The following ONECUT3 variants were observed in gnomAD, a reference collection of about 807,000 sequenced individuals.
ONECUT3 encodes the protein one cut domain family member 3.
ONECUT3 carries 11 observed loss-of-function variants against 16.8 expected under a neutral mutation model. That is an observed-to-expected ratio of 0.66 (90% confidence interval 0.41 to 1.09). The LOEUF is 1.09. Ranked by LOEUF, ONECUT3 falls within the 50% of genes least tolerant of loss-of-function variation. ONECUT3 has a pLI of 0.00. For synonymous variants in ONECUT3, 344 were observed against 310.7 expected, an observed-to-expected ratio of 1.11 and a Z score of -1.13; for missense variants, 637 against 629.9, an observed-to-expected ratio of 1.01 and a Z score of -0.12.
Position 1,754,075 on chromosome 19 carries a change from G to A in ONECUT3, c.413G>A (p.Gly138Asp), listed in dbSNP as rs902712089. The A allele has an allele frequency of 2.0e-6, 2 of 999,692 alleles. No individual in the cohort carries two copies. Among genetic ancestry groups the A allele is most frequent in the African/African-American group, 3.5e-5 (2 of 56,914 alleles). The allele number at this position is 999,692 out of a possible 1,614,324, so 61.9% of individuals were successfully genotyped here. Reference sequence around the variant, plus strand: ...GCCGCGGCCGTGGCCGGGGCGCACGGCGGCCATCCCCACGCGCACCCGCAC... The same window carrying A: ...GCCGCGGCCGTGGCCGGGGCGCACGACGGCCATCCCCACGCGCACCCGCAC... ...AAAAAVAGAH[G>D]GHPHAHPHPA... The change falls in exon 1 of 2, where the codon GGC becomes GAC. Residue 138 changes from glycine (G) to aspartate (D), a missense_variant. Physicochemically the swap from Gly to Asp is moderately conservative, Grantham distance 94 (BLOSUM62 -1). Transcript: ENST00000382349. This position sits in a 1 kb window ranked among gnomAD's most constrained non-coding sequence, Gnocchi z 7.4.
intron 1 of ONECUT3, among the ~76,000 whole-genome samples, chr19:1,772,672 A>C (rs953514879): frequency 1.5e-5 from 2 of 131,998 alleles, no homozygotes; most frequent in Non-Finnish European, 3.2e-5. Context: ...ATTTTCTGGG[A>C]TATCTGCTTT....
intron 1 of ONECUT3, among the ~76,000 whole-genome samples, chr19:1,760,960 C>T (rs951087757): frequency 6.6e-6 from 1 of 152,006 alleles, no homozygotes; most frequent in South Asian, 2.1e-4. Context: ...TGCTGCTTCT[C>T]CAACAACCAT....
chr19:1,754,580 CGGGA>C lies in ONECUT3; in HGVS notation c.920_923del (p.Gly307AlafsTer27). The C allele has an allele frequency of 8.2e-7, 1 of 1,226,154 alleles. No individual in the cohort carries two copies. Among genetic ancestry groups the C allele is most frequent in the Non-Finnish European group, 1.0e-6 (1 of 975,954 alleles). The allele number at this position is 1,226,154 out of a possible 1,614,324, so 76.0% of individuals were successfully genotyped here. A position where few individuals can be genotyped will look rare whatever the true frequency, so the allele number is the denominator to read the frequency against. Reference sequence around the variant, plus strand: ...CGCACGGGGGAGGCGGCGGCCCCGGCGGGAGCGGCGGCGGCCCCAGCGCGGGCGC... The same window carrying C: ...CGCACGGGGGAGGCGGCGGCCCCGGCGCGGCGGCGGCCCCAGCGCGGGCGC... On this transcript the variant is annotated frameshift_variant, in exon 1 of 2. Transcript: ENST00000382349. LOFTEE classifies it high-confidence loss of function. The surrounding 1 kb of genome is among the most constrained non-coding windows in gnomAD (Gnocchi z 7.4).
rs1568599003 is a variant in ONECUT3 at position 1,768,891 on chromosome 19, TG to T, written c.1193-6260del. On this transcript the variant is annotated intron_variant, in intron 1 of 1. Coordinates refer to ENST00000382349, the MANE Select transcript of ONECUT3 (RefSeq NM_001080488.2). ...GTGGCGGAGGTAGAGGTGGAGGTGG[TG>T]GAGGTGGAGGTGGTGGAGGTGGAGG... 2.0e-3 allele frequency among the ~76,000 whole-genome samples: 253 copies of T among 128,976 alleles called. 2 individuals carry two copies. Among genetic ancestry groups the T allele is most frequent in the Middle Eastern group, 3.9e-3 (1 of 258 alleles). 84.6% of individuals were successfully genotyped at this position (128,976 alleles called of 152,430 possible).
At chr19:1,757,393 C>A (rs549003584) in intron 1 of ONECUT3, among the ~76,000 whole-genome samples, 1 of 152,224 alleles carries the variant, frequency 6.6e-6, no homozygotes, top group Non-Finnish European at 1.5e-5. Context: ...GGTTTCCTGT[C>A]GAGGAAGGGA....
At position 1,758,938 on chromosome 19, in the gene ONECUT3, T is replaced by C. The variant is rs2067932303; in HGVS notation, c.1192+4084T>C. 6.6e-6 allele frequency among the ~76,000 whole-genome samples: 1 copy of C among 152,244 alleles called. No individual in the cohort carries two copies. The highest frequency in any genetic ancestry group is 1.5e-5 in the Non-Finnish European group (1 of 68,018). On this transcript the variant is annotated intron_variant, in intron 1 of 1. Transcript: ENST00000382349. This position sits in a 1 kb window ranked among gnomAD's most constrained non-coding sequence, Gnocchi z 5.9. ...TGTAACTGATCAGAAAAAAAATACG[T>C]ATATAGATAATACAAAGTTAGATGG...
intron 1 of ONECUT3, among the ~76,000 whole-genome samples, chr19:1,774,853 G>T (rs1375648953): frequency 7.1e-6 from 1 of 140,488 alleles, no homozygotes; most frequent in Non-Finnish European, 1.5e-5. Context: ...CTTCCATTCT[G>T]TCTCCACCGC....
chr19:1,769,951 G>GGAC (rs1474292747), intron 1 of ONECUT3, among the ~76,000 whole-genome samples: 1 of 152,138 alleles, frequency 6.6e-6, no homozygotes, highest in Non-Finnish European at 1.5e-5. Flanking sequence ...GGTGGGAAAG[G>GGAC]GACGATATGC....
Position 1,775,313 on chromosome 19 carries a change from C to A in ONECUT3, c.1353C>A (p.Leu451=), listed in dbSNP as rs751984695. ...KEMQVTISQQ[L]GLELNTVSNF... ...TGCAGGTCACCATCTCGCAGCAGCT[C>A]GGCTTGGAGCTCAACACCGTCAGCA... is the stretch of plus-strand genomic sequence containing the variant. The change falls in exon 2 of 2, where the codon CTC becomes CTA. Residue 451 remains leucine (L), a synonymous_variant. Transcript: ENST00000382349. 6.5e-7 allele frequency: 1 copy of A among 1,546,044 alleles called. No individual in the cohort carries two copies. Among genetic ancestry groups the A allele is most frequent in the Non-Finnish European group, 8.8e-7 (1 of 1,140,326 alleles).
At chr19:1,772,534 A>G (rs1177201658) in intron 1 of ONECUT3, among the ~76,000 whole-genome samples, 1 of 151,724 alleles carries the variant, frequency 6.6e-6, no homozygotes, top group Non-Finnish European at 1.5e-5. Flanking sequence ...ATTTTTTTTC[A>G]TTATTTGATC....
At position 1,775,272 on chromosome 19, in the gene ONECUT3, C is replaced by A; in HGVS notation, c.1312C>A (p.Arg438=). The change falls in exon 2 of 2, where the codon CGG becomes AGG. Residue 438 remains arginine (R), a synonymous_variant. Coordinates refer to ENST00000382349, the MANE Select transcript of ONECUT3 (RefSeq NM_001080488.2). ...GATCGCCATCTTCAAGGAGAACAAG[C>A]GGCCGTCCAAGGAGATGCAGGTCAC... ...TLIAIFKENK[R]PSKEMQVTIS... 1 of 1,602,490 alleles carries A rather than the reference C, an allele frequency of 6.2e-7. No individual in the cohort carries two copies. Among genetic ancestry groups the A allele is most frequent in the South Asian group, 1.1e-5 (1 of 89,360 alleles).
rs61702511 is a variant in ONECUT3, at chr19:1,778,971, T to A, written c.*3526T>A. The A allele has an allele frequency of 0.018, 2,758 of 150,976 alleles. 93 individuals carry two copies. Among genetic ancestry groups the A allele is most frequent in the African/African-American group, 0.064 (2,591 of 40,744 alleles). The allele number at this position is 150,976 out of a possible 1,614,324, so 9.4% of individuals were successfully genotyped here. On this transcript the variant is annotated 3_prime_UTR_variant, in exon 2 of 2. Transcript: ENST00000382349. ...GGCCAGACCCCCACAGAAGGCTCTA[T>A]CCCCGACCTGCCCGCCGGCCCCTCA... is the stretch of plus-strand genomic sequence containing the variant.
At position 1,780,345 on chromosome 19, in the gene ONECUT3, G is replaced by A. The variant is rs924446632; in HGVS notation, c.*4900G>A. On this transcript the variant is annotated 3_prime_UTR_variant, in exon 2 of 2. Coordinates refer to ENST00000382349, the MANE Select transcript of ONECUT3 (RefSeq NM_001080488.2). ...GGACTCCCCAAAATCATCAAAGGGG[G>A]CTCTGGGACAATGTCCTCTGCCTCT... The A allele has an allele frequency of 5.9e-5, 9 of 152,284 alleles. No individual in the cohort carries two copies. Among genetic ancestry groups the A allele is most frequent in the African/African-American group, 2.2e-4 (9 of 41,462 alleles). The allele number at this position is 152,284 out of a possible 1,614,324, so 9.4% of individuals were successfully genotyped here. A position where few individuals can be genotyped will look rare whatever the true frequency, so the allele number is the denominator to read the frequency against.
intron 1 of ONECUT3, 23 bp from the exon 2 acceptor site, chr19:1,775,128 CCG>C: frequency 3.2e-6 from 3 of 941,436 alleles, no homozygotes; most frequent in Non-Finnish European, 4.6e-6. Flanking sequence ...TCCCGCTCGC[CCG>C]CCCGCCCGCC....
chr19:1,775,244 G>T lies in ONECUT3; in HGVS notation c.1284G>T (p.Thr428=). The change falls in exon 2 of 2, where the codon ACG becomes ACT. Residue 428 remains threonine (T), a synonymous_variant. Coordinates refer to ENST00000382349, the MANE Select transcript of ONECUT3 (RefSeq NM_001080488.2). ...TGTTCACCGACCTGCAGCGACGCAC[G>T]CTGATCGCCATCTTCAAGGAGAACA... The part of the protein sequence containing the change: ...RLVFTDLQRR[T]LIAIFKENKR... 1.9e-6 allele frequency: 3 copies of T among 1,592,638 alleles called. No individual in the cohort carries two copies. The highest frequency in any genetic ancestry group is 2.3e-5 in the South Asian group (2 of 88,124).
rs1175872748 is a variant in ONECUT3 at position 1,763,372 on chromosome 19, A to AAAAAAAAAAAT, written c.1192+8528_1192+8529insTAAAAAAAAAA. ...ACAGAGTGAGACTCCATCTCAAAAA[A>AAAAAAAAAAAT]AAAAAAAAAAAAAAAAAAAAAAAAT... On this transcript the variant is annotated intron_variant, in intron 1 of 1. Coordinates refer to ENST00000382349, the MANE Select transcript of ONECUT3 (RefSeq NM_001080488.2). 1.2e-4 allele frequency among the ~76,000 whole-genome samples: 11 copies of AAAAAAAAAAAT among 94,350 alleles called. 1 individual carries two copies. In the East Asian group the frequency reaches 1.2e-3, roughly 10 times the overall value. 61.9% of individuals were successfully genotyped at this position (94,350 alleles called of 152,430 possible).
chr19:1,757,253 C>T (rs1243531945), intron 1 of ONECUT3, among the ~76,000 whole-genome samples: 1 of 152,262 alleles, frequency 6.6e-6, no homozygotes, highest in African/African-American at 2.4e-5. Flanking sequence ...CCTGCCGACC[C>T]CACAGCCATC....
At position 1,764,685 on chromosome 19, in the gene ONECUT3, C is replaced by G. The variant is rs913894824; in HGVS notation, c.1192+9831C>G. Among the ~76,000 whole-genome samples, 3 of 152,072 alleles carry G rather than the reference C, an allele frequency of 2.0e-5. No homozygotes were observed. Among genetic ancestry groups the G allele is most frequent in the Non-Finnish European group, 4.4e-5 (3 of 68,002 alleles). On this transcript the variant is annotated intron_variant, in intron 1 of 1. Transcript: ENST00000382349. This position sits in a 1 kb window ranked among gnomAD's most constrained non-coding sequence, Gnocchi z 5.0. ...CCATGGGAATCAATTTTCCAGCTCC[C>G]CGAGGGGTGCAGGGTGTAGACAGAG... is the stretch of plus-strand genomic sequence containing the variant.
chr19:1,765,769 C>G (rs1193327146), intron 1 of ONECUT3, among the ~76,000 whole-genome samples: 1 of 152,214 alleles, frequency 6.6e-6, no homozygotes, highest in African/African-American at 2.4e-5. Flanking sequence ...GGTGCGCGTT[C>G]AAGGCCACTC....
Sources: gnomAD v4.1 joint callset for allele counts (sites outside exome capture counted in the v4.1 genomes callset) on GRCh38, gnomAD v4.1.1 for gene constraint, Gnocchi (gnomAD v3.1) non-coding constraint, MANE v1.5 for transcripts, NCBI Gene and HGNC (gene_info 2026-07-23, HGNC 2026-07-21) for gene names.